IPO8: variants seen among roughly 807,000 people sequenced by gnomAD.
IPO8 encodes the protein importin 8, also known as importin-8.
Under a neutral mutation model 141.2 loss-of-function variants are expected in IPO8, and 65 were observed. The observed-to-expected ratio is 0.46, with a 90% confidence interval of 0.38 to 0.57. The LOEUF is 0.57. IPO8 is among the 20% of genes least tolerant of loss of function. The pLI, the probability that IPO8 is intolerant of heterozygous loss-of-function variation, is 0.00. For synonymous variants in IPO8, 411 were observed against 420.3 expected (o/e 0.98, Z 0.27); for missense variants, 980 against 1,246.8 (o/e 0.79, Z 3.22).
Position 30,639,621 on chromosome 12 carries a change from C to T in IPO8, c.2383G>A (p.Asp795Asn), listed in dbSNP as rs1385108129. 4.3e-6 allele frequency: 7 copies of T among 1,613,904 alleles called. No homozygotes were observed. The highest frequency in any genetic ancestry group is 5.9e-6 in the Non-Finnish European group (7 of 1,179,940). ...CGTTCTAAAGTATGTAGCAGCAAAT[C>T]AGGGTTGTAGTACAAGGCAGCAATT... Reference protein sequence around the residue: ...VAIAALYYNPDLLLHTLERIQ... With the variant: ...VAIAALYYNPNLLLHTLERIQ... The change falls in exon 21 of 25, where the codon GAT (aspartate) becomes AAT (asparagine). Residue 795 changes from aspartate to asparagine, a missense_variant. Asp to Asn is a conservative substitution (Grantham distance 23, BLOSUM62 1). Around this residue, in one of 3 missense-constraint regions of IPO8, gnomAD observed 924 missense variants for 1,153.9 expected, o/e 0.80. Transcript: ENST00000256079.
In IPO8 at chr12:30,656,679, C is replaced by T. The variant is rs2052805152; in HGVS notation, c.1948+5G>A. 6.6e-7 allele frequency: 1 copy of T among 1,523,814 alleles called. No homozygotes were observed. The highest frequency in any genetic ancestry group is 8.9e-7 in the Non-Finnish European group (1 of 1,118,554). The allele number at this position is 1,523,814 out of a possible 1,614,324, so 94.4% of individuals were successfully genotyped here. A position where few individuals can be genotyped will look rare whatever the true frequency, so the allele number is the denominator to read the frequency against. ...TTTATCTTTTTATTTAACCTTTGAA[C>T]TTACCAATTACATGTTTCTGCAGAA... On this transcript the variant is annotated splice_donor_5th_base_variant and intron_variant, in intron 17 of 24. Transcript: ENST00000256079.
chr12:30,666,102 T>G, intron 11 of IPO8, 73 bp downstream of exon 11: 1 of 949,286 alleles, frequency 1.1e-6, no homozygotes, highest in South Asian at 1.7e-5. Flanking sequence ...TCTCAAATAC[T>G]AGGGATATAC....
intron 2 of IPO8, among the ~76,000 whole-genome samples, chr12:30,689,866 G>A (rs923879392): frequency 6.6e-6 from 1 of 152,058 alleles, no homozygotes; most frequent in Non-Finnish European, 1.5e-5. Context: ...ATTAGCTATT[G>A]TCGTTTACCT....
intron 19 of IPO8, 87 bp downstream of exon 19, chr12:30,652,105 T>G (rs2052735191): frequency 1.5e-6 from 1 of 688,888 alleles, no homozygotes; most frequent in Non-Finnish European, 2.5e-6. Flanking sequence ...ACTAAATGTG[T>G]AAGAAACAAA....
intron 3 of IPO8, 117 bp downstream of exon 3, chr12:30,684,184 T>A: frequency 1.2e-6 from 1 of 817,160 alleles, no homozygotes. Context: ...TCCCTCTTTA[T>A]TACTTTACCT....
In IPO8 at chr12:30,684,413, G is replaced by T; in HGVS notation, c.211C>A (p.Arg71=). 1.2e-6 allele frequency: 2 copies of T among 1,614,106 alleles called. No homozygotes were observed. Among genetic ancestry groups the T allele is most frequent in the Middle Eastern group, 1.6e-4 (1 of 6,062 alleles). The change falls in exon 3 of 25, where the codon CGA becomes AGA. Residue 71 remains arginine (R), a synonymous_variant. Transcript: ENST00000256079. Reference sequence around the variant, plus strand: ...ATTGCTTCTCCTGGTGGAGGTTCTCGATCTGGCCAGTATTGTGTCACCATG... The same window carrying T: ...ATTGCTTCTCCTGGTGGAGGTTCTCTATCTGGCCAGTATTGTGTCACCATG... ...KNMVTQYWPD[R]EPPPGEAIFP...
intron 13 of IPO8, among the ~76,000 whole-genome samples, chr12:30,664,885 G>A (rs111977038): frequency 2.0e-5 from 3 of 152,136 alleles, no homozygotes; most frequent in South Asian, 2.1e-4. Context: ...GATAACAGGC[G>A]CCTGCCATGA....
intron 20 of IPO8, among the ~76,000 whole-genome samples, chr12:30,648,916 T>C (rs768884264): frequency 1.4e-4 from 21 of 152,068 alleles, no homozygotes; most frequent in Non-Finnish European, 2.4e-4. Context: ...TAGCCCCTTA[T>C]ATTATTACAT....
chr12:30,695,007 C>T lies in IPO8; in HGVS notation c.84+557G>A, dbSNP rs948165420. On this transcript the variant is annotated intron_variant, in intron 1 of 24. Coordinates refer to ENST00000256079, the MANE Select transcript of IPO8 (RefSeq NM_006390.4). The surrounding 1 kb of genome is among the most constrained non-coding windows in gnomAD (Gnocchi z 4.2). Reference sequence around the variant, plus strand: ...ATGTGTCTTAGATAAAGCAGTATCACCATGAAAACTGCCTATTCTTCCCAG... The same window carrying T: ...ATGTGTCTTAGATAAAGCAGTATCATCATGAAAACTGCCTATTCTTCCCAG... 7 of 456,156 alleles carry T rather than the reference C, an allele frequency of 1.5e-5. No individual in the cohort carries two copies. Among genetic ancestry groups the T allele is most frequent in the Admixed American group, 4.7e-5 (2 of 42,578 alleles). 28.3% of individuals were successfully genotyped at this position (456,156 alleles called of 1,614,324 possible).
chr12:30,674,535 T>C (rs1362825295), intron 7 of IPO8, 124 bp downstream of exon 7: 4 of 721,698 alleles, frequency 5.5e-6, no homozygotes, highest in Non-Finnish European at 9.9e-6. Flanking sequence ...TCAAAGCCAA[T>C]GATTAAAATT....
intron 23 of IPO8, among the ~76,000 whole-genome samples, chr12:30,633,496 T>A (rs2052461435): frequency 6.6e-6 from 1 of 152,250 alleles, no homozygotes; most frequent in African/African-American, 2.4e-5. Flanking sequence ...ACTAGGTTAC[T>A]GGTCTTATGT....
chr12:30,633,230 T>C (rs1342359234), intron 23 of IPO8, among the ~76,000 whole-genome samples: 1 of 152,214 alleles, frequency 6.6e-6, no homozygotes, highest in Non-Finnish European at 1.5e-5. Context: ...TATATTAAGC[T>C]AATATTGCCT....
rs2053178386 is a variant in IPO8 at position 30,680,565 on chromosome 12, T to C, written c.556A>G (p.Ile186Val). 1 of 1,612,640 alleles carries C rather than the reference T, an allele frequency of 6.2e-7. No homozygotes were observed. Among genetic ancestry groups the C allele is most frequent in the African/African-American group, 1.3e-5 (1 of 74,996 alleles). Residue 186 changes from isoleucine (I) to valine (V), a missense_variant, in exon 5 of 25, where the codon ATT becomes GTT. By Grantham distance (29) the Ile-to-Val change is conservative (BLOSUM62 3). Coordinates refer to ENST00000256079, the MANE Select transcript of IPO8 (RefSeq NM_006390.4). Reference protein sequence around the residue: ...QIFLPRIQQQIVQLLPDSSYY... With the variant: ...QIFLPRIQQQVVQLLPDSSYY... ...GAGGAATCAGGAAGGAGCTGAACAA[T>C]TTGTTGCTGAATACGAGGCAGGAAT...
chr12:30,672,853 A>C (rs182676640), intron 8 of IPO8, among the ~76,000 whole-genome samples: 5 of 152,182 alleles, frequency 3.3e-5, no homozygotes, highest in African/African-American at 1.2e-4. Flanking sequence ...CTTTTTAGAA[A>C]GCATTCTACT....
chr12:30,640,803 G>T (rs2052565003), intron 20 of IPO8, among the ~76,000 whole-genome samples: 1 of 152,154 alleles, frequency 6.6e-6, no homozygotes, highest in South Asian at 2.1e-4. Context: ...AGCACTATGG[G>T]ATGACTATAG....
In IPO8 at chr12:30,662,606, C is replaced by T. The variant is rs999672937; in HGVS notation, c.1595-119G>A. 3.5e-5 allele frequency: 26 copies of T among 734,460 alleles called. No individual in the cohort carries two copies. In the Admixed American group the frequency reaches 5.1e-4, roughly 14 times the overall value. The allele number at this position is 734,460 out of a possible 1,614,324, so 45.5% of individuals were successfully genotyped here. On this transcript the variant is annotated intron_variant, in intron 14 of 24. Coordinates refer to ENST00000256079, the MANE Select transcript of IPO8 (RefSeq NM_006390.4). ...ATACCTAAATCAGGTTCTAGATACACACTTGCTCTGTGGTAAGTTACAAAG... is the reference window on the plus strand; with the variant it reads ...ATACCTAAATCAGGTTCTAGATACATACTTGCTCTGTGGTAAGTTACAAAG...
chr12:30,687,614 G>C (rs1168064175), intron 2 of IPO8, among the ~76,000 whole-genome samples: 2 of 151,890 alleles, frequency 1.3e-5, no homozygotes, highest in Non-Finnish European at 2.9e-5. Context: ...GGCTAGATTA[G>C]ACAACAAATG....
chr12:30,664,229 A>C (rs556981517), intron 13 of IPO8, among the ~76,000 whole-genome samples: 1 of 152,354 alleles, frequency 6.6e-6, no homozygotes, highest in East Asian at 1.9e-4. Flanking sequence ...CACAATTCAT[A>C]TAACTTCTCA....
intron 17 of IPO8, among the ~76,000 whole-genome samples, chr12:30,654,682 T>C (rs2052774137): frequency 6.6e-6 from 1 of 151,994 alleles, no homozygotes; most frequent in Non-Finnish European, 1.5e-5. Context: ...CGAGAATGTC[T>C]ATTATCAAAA....
Sources: allele counts gnomAD v4.1 joint callset (sites outside exome capture counted in the v4.1 genomes callset), GRCh38; gene constraint gnomAD v4.1.1; regional missense constraint gnomAD v4.1.1; non-coding constraint Gnocchi (gnomAD v3.1); transcripts MANE v1.5; gene names NCBI Gene and HGNC (gene_info 2026-07-23, HGNC 2026-07-21).